MAN2A1: variants seen among roughly 807,000 people sequenced by gnomAD.
The protein encoded by MAN2A1 is mannosidase alpha class 2A member 1.
MAN2A1 carries 76 observed loss-of-function variants against 142.6 expected under a neutral mutation model. That is an observed-to-expected ratio of 0.53 (90% CI 0.44 to 0.65). The LOEUF (loss-of-function observed/expected upper bound fraction) is 0.65, where lower values mean the gene tolerates loss of function less well. Among genes scored for constraint, MAN2A1 ranks in the 30% least tolerant of loss-of-function variants. The pLI is 0.00. For missense variants in MAN2A1, 1,311 were observed against 1,365.1 expected (o/e 0.96, Z 0.62); for synonymous variants, 559 against 473.2 (o/e 1.18, Z -2.35).
intron 12 of MAN2A1, among the ~76,000 whole-genome samples, chr5:109,805,046 T>C (rs1296134119): frequency 6.6e-6 from 1 of 152,206 alleles, no homozygotes; most frequent in East Asian, 1.9e-4. Context: ...TAATGTCTTT[T>C]GCTGTCTTTT....
rs371484103 is a variant in MAN2A1, at chr5:109,832,005, G to T, written c.2566+8168G>T. Among the ~76,000 whole-genome samples, 19 of 151,454 alleles carry T rather than the reference G, an allele frequency of 1.3e-4. 1 individual carries two copies. The highest frequency in any genetic ancestry group is 1.0e-3 in the South Asian group (5 of 4,786). ...ATGAAAACATTTTTCTCAGTGGGTT[G>T]TACCTTTTTAATTCCTAATGGATAA... On this transcript the variant is annotated intron_variant, in intron 16 of 21. Transcript: ENST00000261483.
chr5:109,832,624 T>TC (rs1038605415), intron 16 of MAN2A1, among the ~76,000 whole-genome samples: 4 of 151,940 alleles, frequency 2.6e-5, no homozygotes, highest in South Asian at 2.1e-4. Context: ...TCCCCACACG[T>TC]CCCCCCCTTC....
intron 1 of MAN2A1, among the ~76,000 whole-genome samples, chr5:109,697,308 C>T (rs1750842887): frequency 6.6e-6 from 1 of 152,150 alleles, no homozygotes; most frequent in Non-Finnish European, 1.5e-5. Context: ...TGAGAAAAAG[C>T]AGGGAAAGAA....
chr5:109,728,515 C>T (rs1407536877), intron 3 of MAN2A1, among the ~76,000 whole-genome samples: 1 of 151,544 alleles, frequency 6.6e-6, no homozygotes, highest in Non-Finnish European at 1.5e-5. Flanking sequence ...TTTTGCTTGG[C>T]CGTTTTAGTA....
rs970761313 is a variant in MAN2A1, at chr5:109,867,870, C to A, written c.*872C>A. Reference sequence around the variant, plus strand: ...TTATAAGTCTTGTTAAATCAGTGTCCATATTACTGTTTGGGGAAGGGGGAA... The same window carrying A: ...TTATAAGTCTTGTTAAATCAGTGTCAATATTACTGTTTGGGGAAGGGGGAA... On this transcript the variant is annotated 3_prime_UTR_variant, in exon 22 of 22. Coordinates refer to ENST00000261483, the MANE Select transcript of MAN2A1 (RefSeq NM_002372.4). The A allele has an allele frequency of 4.0e-5, 6 of 151,776 alleles. No homozygotes were observed. The highest frequency in any genetic ancestry group is 1.2e-4 in the African/African-American group (5 of 41,302). 9.4% of individuals were successfully genotyped at this position (151,776 alleles called of 1,614,324 possible). A position where few individuals can be genotyped will look rare whatever the true frequency, so the allele number is the denominator to read the frequency against.
chr5:109,729,999 A>G (rs1751859187), intron 4 of MAN2A1, among the ~76,000 whole-genome samples: 1 of 152,154 alleles, frequency 6.6e-6, no homozygotes, highest in African/African-American at 2.4e-5. Flanking sequence ...CTTGGGGGAA[A>G]AAAATCCTAT....
intron 12 of MAN2A1, among the ~76,000 whole-genome samples, chr5:109,795,347 ACT>A (rs1230078790): frequency 6.6e-6 from 1 of 152,158 alleles, no homozygotes; most frequent in East Asian, 1.9e-4. Flanking sequence ...TTCCTGACAT[ACT>A]GTTTCAACCT....
Position 109,868,887 on chromosome 5 carries a change from T to C in MAN2A1, c.*1889T>C, listed in dbSNP as rs892998189. 1 of 152,188 alleles carries C rather than the reference T, an allele frequency of 6.6e-6. No homozygotes were observed. The highest frequency in any genetic ancestry group is 1.5e-5 in the Non-Finnish European group (1 of 68,038). 9.4% of individuals were successfully genotyped at this position (152,188 alleles called of 1,614,324 possible). On this transcript the variant is annotated 3_prime_UTR_variant, in exon 22 of 22. Coordinates refer to ENST00000261483, the MANE Select transcript of MAN2A1 (RefSeq NM_002372.4). ...CCTTCCTGTGGGAGTTCAGTTTGTC[T>C]GTGGTTAAGTGGGTGTGCTTAATCA...
intron 20 of MAN2A1, among the ~76,000 whole-genome samples, chr5:109,856,036 C>G (rs1268505460): frequency 6.6e-6 from 1 of 151,952 alleles, no homozygotes; most frequent in Non-Finnish European, 1.5e-5. Context: ...GAAGAGGATG[C>G]TCATGTTTAA....
intron 1 of MAN2A1, among the ~76,000 whole-genome samples, chr5:109,709,432 G>C (rs1254289998): frequency 6.6e-6 from 1 of 152,176 alleles, no homozygotes; most frequent in African/African-American, 2.4e-5. Flanking sequence ...CTCGGCAGAG[G>C]GTTGGCCTTT....
intron 3 of MAN2A1, among the ~76,000 whole-genome samples, chr5:109,727,236 T>A (rs954388712): frequency 2.0e-5 from 3 of 152,236 alleles, no homozygotes; most frequent in South Asian, 4.1e-4. Flanking sequence ...TTTTTCACAG[T>A]TCGAGGCTAG....
chr5:109,842,806 G>GTTTTTTGTTTTTTTTTTTTTT (rs1554082994), intron 17 of MAN2A1, among the ~76,000 whole-genome samples: 4 of 116,182 alleles, frequency 3.4e-5, no homozygotes, highest in African/African-American at 1.3e-4. Context: ...TACTTATTGG[G>GTTTTTTGTTTTTTTTTTTTTT]TTTTTTTTTT....
intron 4 of MAN2A1, among the ~76,000 whole-genome samples, chr5:109,731,616 G>T (rs1176870439): frequency 6.8e-6 from 1 of 147,746 alleles, no homozygotes; most frequent in Non-Finnish European, 1.5e-5. Context: ...GTGGTGTTTG[G>T]TTTTTTGTCC....
chr5:109,722,690 A>G (rs1751639074), intron 3 of MAN2A1, among the ~76,000 whole-genome samples: 2 of 152,168 alleles, frequency 1.3e-5, no homozygotes, highest in Non-Finnish European at 2.9e-5. Context: ...TGCTGGGATT[A>G]CAGACTTAAG....
chr5:109,815,213 G>A (rs990854077), intron 12 of MAN2A1, among the ~76,000 whole-genome samples: 4 of 152,140 alleles, frequency 2.6e-5, no homozygotes, highest in African/African-American at 9.7e-5. Flanking sequence ...TTTGTGAATG[G>A]GGAACAGTCA....
chr5:109,803,471 C>A (rs1022049741), intron 12 of MAN2A1, among the ~76,000 whole-genome samples: 1 of 151,972 alleles, frequency 6.6e-6, no homozygotes, highest in African/African-American at 2.4e-5. Flanking sequence ...TGAGATTAAA[C>A]TTATTTTGCT....
At chr5:109,838,567 T>C (rs897224076) in intron 16 of MAN2A1, among the ~76,000 whole-genome samples, 2 of 152,192 alleles carry the variant, frequency 1.3e-5, no homozygotes. Flanking sequence ...ACTTAGGGAA[T>C]TACTGACACA....
In MAN2A1 at chr5:109,713,526, C is replaced by T; in HGVS notation, c.142C>T (p.Leu48Phe). 3 of 1,604,880 alleles carry T rather than the reference C, an allele frequency of 1.9e-6. No homozygotes were observed. The highest frequency in any genetic ancestry group is 2.6e-6 in the Non-Finnish European group (3 of 1,173,424). ...RREGSFPQGQLSMLQEKIDHL... is the reference protein window; with the variant it reads ...RREGSFPQGQFSMLQEKIDHL... ...TTTTTCTTTTTTATTGTAGGGCCAG[C>T]TCTCAATGTTGCAAGAAAAAATAGA... Residue 48 changes from leucine (L) to phenylalanine (F), a missense_variant, in exon 2 of 22, where the codon CTC becomes TTC. Leu to Phe is a conservative substitution (Grantham distance 22). This residue lies in a region of MAN2A1 where 409 missense variants were observed against 412.7 expected (regional missense o/e 0.99). Transcript: ENST00000261483.
At chr5:109,767,857 A>G (rs1047150461) in intron 6 of MAN2A1, 149 bp downstream of exon 6, 4 of 625,774 alleles carry the variant, frequency 6.4e-6, no homozygotes, top group Admixed American at 2.7e-5. Context: ...TATTTTTCCC[A>G]TGTGCCTGTG....
Sources: gnomAD v4.1 joint callset for allele counts (sites outside exome capture counted in the v4.1 genomes callset) on GRCh38, gnomAD v4.1.1 for gene constraint, gnomAD v4.1.1 regional missense constraint, MANE v1.5 for transcripts, NCBI Gene and HGNC (gene_info 2026-07-23, HGNC 2026-07-21) for gene names.